Variants in ATG10 observed in about 807,000 individuals in gnomAD.
The protein encoded by ATG10 is autophagy related 10, also known as ubiquitin-like-conjugating enzyme ATG10.
ATG10 carries 30 observed loss-of-function variants against 32.1 expected under a neutral mutation model. That is an observed-to-expected ratio of 0.94 (90% CI 0.70 to 1.27). ATG10 has a LOEUF of 1.27. ATG10 is among the 50% of genes most tolerant of loss of function. The probability of loss-of-function intolerance (pLI) is 0.00; values close to 1 mark genes in which losing one functional copy is unlikely to be tolerated. For synonymous variants in ATG10, 87 were observed against 91.5 expected (o/e 0.95, Z 0.28); for missense variants, 233 against 262.3 (o/e 0.89, Z 0.77).
chr5:82,164,369 C>T lies in ATG10; in HGVS notation c.217-30C>T, dbSNP rs370625363. 6.2e-6 allele frequency: 10 copies of T among 1,608,224 alleles called. No individual in the cohort carries two copies. In the East Asian group the frequency reaches 6.7e-5, roughly 11 times the overall value. The stretch of plus-strand genomic sequence containing the variant: ...TTAGTACTTTTCTTATTAAGAAACC[C>T]GTTTTCGTTTTGTTTTTGCTTTTTT... On this transcript the variant is annotated intron_variant, in intron 3 of 7. Transcript: ENST00000282185.
chr5:82,053,756 T>G (rs1763500783), intron 2 of ATG10, among the ~76,000 whole-genome samples: 1 of 152,134 alleles, frequency 6.6e-6, no homozygotes, highest in South Asian at 2.1e-4. Flanking sequence ...TGCTTTGTGG[T>G]GAATGGACAG....
At chr5:82,233,420 T>C (rs138505228) in intron 5 of ATG10, among the ~76,000 whole-genome samples, 86 of 152,336 alleles carry the variant, frequency 5.6e-4, no homozygotes, top group African/African-American at 2.0e-3. Flanking sequence ...CTTCTGATTA[T>C]CCCAGGAATA....
intron 1 of ATG10, chr5:81,976,224 T>C (rs911843471): frequency 3.3e-5 from 5 of 151,582 alleles, no homozygotes; most frequent in African/African-American, 1.2e-4. Flanking sequence ...TTAGCCAAGA[T>C]GGTCTCGATC....
At chr5:82,045,989 C>T (rs1313294803) in intron 2 of ATG10, among the ~76,000 whole-genome samples, 3 of 152,126 alleles carry the variant, frequency 2.0e-5, no homozygotes, top group African/African-American at 4.8e-5. Flanking sequence ...TGTTAGTACC[C>T]TCTGCCTCAT....
chr5:82,170,834 G>T (rs1743779528), intron 4 of ATG10, among the ~76,000 whole-genome samples: 1 of 152,084 alleles, frequency 6.6e-6, no homozygotes, highest in African/African-American at 2.4e-5. Flanking sequence ...TGTACTCCCA[G>T]CTACTTGGGA....
chr5:82,140,671 T>C, intron 3 of ATG10, among the ~76,000 whole-genome samples: 1 of 48,030 alleles, frequency 2.1e-5, no homozygotes. Context: ...CGGCCGCCCC[T>C]ACTGGGAAGT....
intron 3 of ATG10, among the ~76,000 whole-genome samples, chr5:82,150,061 C>T (rs1182287731): frequency 6.7e-6 from 1 of 150,050 alleles, no homozygotes; most frequent in Non-Finnish European, 1.5e-5. Context: ...TATGTTGTAG[C>T]TCCTTATCTT....
chr5:82,177,015 G>A (rs1297057356), intron 4 of ATG10, among the ~76,000 whole-genome samples: 6 of 152,042 alleles, frequency 3.9e-5, no homozygotes, highest in African/African-American at 7.2e-5. Flanking sequence ...TGATATGCAC[G>A]GTATAGCAAC....
intron 5 of ATG10, among the ~76,000 whole-genome samples, chr5:82,214,843 G>A (rs796942175): frequency 5.3e-5 from 8 of 152,236 alleles, no homozygotes; most frequent in African/African-American, 1.9e-4. Flanking sequence ...ATCTTCTCCT[G>A]GGCCCAGAGG....
intron 5 of ATG10, among the ~76,000 whole-genome samples, chr5:82,200,097 C>G (rs1745005366): frequency 6.6e-6 from 1 of 152,014 alleles, no homozygotes; most frequent in Admixed American, 6.6e-5. Context: ...ACTAAAAACA[C>G]TCATTTGTAG....
At chr5:82,217,611 A>G (rs1477932336) in intron 5 of ATG10, among the ~76,000 whole-genome samples, 3 of 151,924 alleles carry the variant, frequency 2.0e-5, no homozygotes, top group Admixed American at 1.3e-4. Context: ...ACATACACAT[A>G]TAGGGCATAA....
At chr5:82,001,082 A>G (rs1004723138) in intron 2 of ATG10, among the ~76,000 whole-genome samples, 2 of 152,228 alleles carry the variant, frequency 1.3e-5, no homozygotes, top group Admixed American at 1.3e-4. Flanking sequence ...CTAGGGAGGT[A>G]AATGAGCTCT....
At chr5:82,122,068 A>G (rs904207772) in intron 3 of ATG10, among the ~76,000 whole-genome samples, 1 of 151,630 alleles carries the variant, frequency 6.6e-6, no homozygotes, top group Admixed American at 6.6e-5. Context: ...GAATGGTACC[A>G]CATCTTCTTT....
chr5:82,220,724 G>C (rs1310093583), intron 5 of ATG10, among the ~76,000 whole-genome samples: 4 of 149,634 alleles, frequency 2.7e-5, no homozygotes, highest in South Asian at 4.3e-4. Flanking sequence ...CTGCCTCCTG[G>C]GTCCCTGATG....
intron 5 of ATG10, among the ~76,000 whole-genome samples, chr5:82,207,477 G>A (rs1745342518): frequency 6.6e-6 from 1 of 151,992 alleles, no homozygotes; most frequent in Non-Finnish European, 1.5e-5. Context: ...CTATTTGGTT[G>A]CCTGTCTTTT....
chr5:82,090,241 C>T (rs1764838576), intron 3 of ATG10, among the ~76,000 whole-genome samples: 1 of 152,002 alleles, frequency 6.6e-6, no homozygotes, highest in Admixed American at 6.6e-5. Context: ...CCATATGACC[C>T]AGCAATTATG....
intron 3 of ATG10, among the ~76,000 whole-genome samples, chr5:82,155,209 G>C (rs1435751262): frequency 1.3e-5 from 2 of 152,130 alleles, no homozygotes; most frequent in African/African-American, 4.8e-5. Flanking sequence ...CCAAACTTCA[G>C]CCCATTGGAT....
chr5:82,109,904 T>C (rs536044122), intron 3 of ATG10, among the ~76,000 whole-genome samples: 4 of 152,022 alleles, frequency 2.6e-5, no homozygotes, highest in South Asian at 2.1e-4. Flanking sequence ...GCTGCACCCA[T>C]TAACTCGTCA....
At chr5:82,075,740 A>G (rs1764255815) in intron 3 of ATG10, among the ~76,000 whole-genome samples, 1 of 152,196 alleles carries the variant, frequency 6.6e-6, no homozygotes, top group Non-Finnish European at 1.5e-5. Context: ...ATTCGAGGCC[A>G]GCCTGGCCAA....
Sources: gnomAD v4.1 joint callset for allele counts (sites outside exome capture counted in the v4.1 genomes callset) on GRCh38, gnomAD v4.1.1 for gene constraint, MANE v1.5 for transcripts, NCBI Gene and HGNC (gene_info 2026-07-23, HGNC 2026-07-21) for gene names.